NCOA6: variants seen among roughly 807,000 people sequenced by gnomAD.
NCOA6 encodes nuclear receptor coactivator 6, also known as NRC RAP250.
NCOA6 carries 49 observed loss-of-function variants against 171.4 expected under a neutral mutation model. The observed-to-expected ratio is 0.29, with a 90% CI of 0.23 to 0.36. The LOEUF is 0.36. Ranked by LOEUF, NCOA6 falls within the 10% of genes least tolerant of loss-of-function variation. The pLI, the probability that NCOA6 is intolerant of heterozygous loss-of-function variation, is 1.00. For missense variants in NCOA6, 2,248 were observed against 2,554.5 expected (o/e 0.88, Z 2.59); for synonymous variants, 910 against 927.5 (o/e 0.98, Z 0.34).
chr20:34,813,501 G>A (rs1173981663), intron 1 of NCOA6, among the ~76,000 whole-genome samples: 1 of 151,670 alleles, frequency 6.6e-6, no homozygotes, highest in Non-Finnish European at 1.5e-5. Flanking sequence ...GGAGACAACT[G>A]GAGAAACTTA....
At chr20:34,769,424 T>TTAAAGGTGCTGAGATAATGCACATGTA (rs1299290433) in intron 4 of NCOA6, among the ~76,000 whole-genome samples, 1 of 151,692 alleles carries the variant, frequency 6.6e-6, no homozygotes, top group African/African-American at 2.4e-5. Flanking sequence ...AGTGCAGTGG[T>TTAAAGGTGCTGAGATAATGCACATGTA]GTGATCTTGG....
At chr20:34,728,029 A>G (rs1370273125) in intron 13 of NCOA6, among the ~76,000 whole-genome samples, 3 of 152,098 alleles carry the variant, frequency 2.0e-5, no homozygotes, top group Admixed American at 6.6e-5. Context: ...CAGGCCCCTC[A>G]CCCATTTTCC....
intron 4 of NCOA6, among the ~76,000 whole-genome samples, chr20:34,773,385 T>C (rs1373069192): frequency 6.6e-6 from 1 of 152,252 alleles, no homozygotes; most frequent in Non-Finnish European, 1.5e-5. Flanking sequence ...GAGAACGGAC[T>C]GTTGGGAGAA....
chr20:34,799,074 G>A (rs1307448797), intron 1 of NCOA6, among the ~76,000 whole-genome samples: 1 of 152,098 alleles, frequency 6.6e-6, no homozygotes, highest in Non-Finnish European at 1.5e-5. Flanking sequence ...CTGTTTTGAG[G>A]AAACTCAATG....
chr20:34,749,053 G>A (rs1024287739), intron 9 of NCOA6, among the ~76,000 whole-genome samples: 1 of 152,064 alleles, frequency 6.6e-6, no homozygotes, highest in Non-Finnish European at 1.5e-5. Flanking sequence ...CAAATTGTAA[G>A]AAAAAAATTT....
rs186486306 is a variant in NCOA6, at chr20:34,754,858, T to C, written c.1539A>G (p.Lys513=). Residue 513 remains lysine (K), a synonymous_variant, in exon 8 of 15, where the codon AAA becomes AAG. Coordinates refer to ENST00000359003, the MANE Select transcript of NCOA6 (RefSeq NM_014071.5). ...SLHPGLGGMP[K]RLPPGFSAGQ... ...CTGCTGAGAAGCCAGGTGGGAGGCG[T>C]TTAGGCATTCCTTAATAGAAAACAA... 2.8e-5 allele frequency: 45 copies of C among 1,614,004 alleles called. No homozygotes were observed. Among genetic ancestry groups the C allele is most frequent in the Non-Finnish European group, 3.6e-5 (43 of 1,179,988 alleles).
rs1195235336 is a variant in NCOA6, at chr20:34,749,486, G to T, written c.2709C>A (p.Asn903Lys). The T allele has an allele frequency of 3.1e-6, 5 of 1,613,958 alleles. No homozygotes were observed. The highest frequency in any genetic ancestry group is 4.5e-5 in the East Asian group (2 of 44,890). The change falls in exon 9 of 15, where the codon AAC (asparagine) becomes AAA (lysine). Residue 903 changes from asparagine to lysine, a missense_variant. Physicochemically the swap from Asn to Lys is moderately conservative, Grantham distance 94 (BLOSUM62 0). This residue lies in a region of NCOA6 where 352 missense variants were observed against 419.1 expected (regional missense o/e 0.84). Transcript: ENST00000359003. ...SDISAGHFGVNNKQNNTNANK... is the reference protein window; with the variant it reads ...SDISAGHFGVKNKQNNTNANK... ...TTGCGTTGGTATTATTTTGCTTATT[G>T]TTTACCCCAAAATGGCCTGCAGATA...
chr20:34,782,438 G>A (rs2077537773), intron 2 of NCOA6, 34 bp from the exon 3 acceptor site: 5 of 593,564 alleles, frequency 8.4e-6, no homozygotes, highest in Non-Finnish European at 1.4e-5. Context: ...GCATTACAAT[G>A]CATAGTTATG....
chr20:34,748,101 C>A (rs2076358728), intron 9 of NCOA6, among the ~76,000 whole-genome samples: 1 of 151,840 alleles, frequency 6.6e-6, no homozygotes, highest in Admixed American at 6.6e-5. Context: ...CCTAAGTAAC[C>A]AATTTCCCTA....
chr20:34,773,411 T>C (rs528759024), intron 4 of NCOA6, among the ~76,000 whole-genome samples: 1 of 152,342 alleles, frequency 6.6e-6, no homozygotes, highest in South Asian at 2.1e-4. Flanking sequence ...CCCTCAAGCC[T>C]TGCAGCAGAC....
intron 1 of NCOA6, among the ~76,000 whole-genome samples, chr20:34,803,238 C>T (rs1342425451): frequency 6.6e-6 from 1 of 152,066 alleles, no homozygotes; most frequent in African/African-American, 2.4e-5. Flanking sequence ...AATGCCAAGG[C>T]GACTGCATCA....
Position 34,741,879 on chromosome 20 carries a change from T to C in NCOA6, c.4377A>G (p.Lys1459=). The change falls in exon 11 of 15, where the codon AAA becomes AAG. Residue 1459 remains lysine (K), a synonymous_variant. Transcript: ENST00000359003. The part of the protein sequence containing the change: ...VKMVVPEDQS[K]KDGQPSDPNK... ...TAGGATCCGAAGGCTGCCCATCCTT[T>C]TTGGACTGATCTTCAGGGACAACCA... 6.2e-7 allele frequency: 1 copy of C among 1,614,214 alleles called. No homozygotes were observed. The highest frequency in any genetic ancestry group is 8.5e-7 in the Non-Finnish European group (1 of 1,180,030).
At chr20:34,726,741 C>T (rs551247123) in intron 14 of NCOA6, among the ~76,000 whole-genome samples, 4 of 151,284 alleles carry the variant, frequency 2.6e-5, no homozygotes, top group Non-Finnish European at 4.4e-5. Context: ...GCTGAGATCA[C>T]GCCACTGCAC....
chr20:34,770,007 G>A (rs1256518995), intron 4 of NCOA6, among the ~76,000 whole-genome samples: 2 of 151,386 alleles, frequency 1.3e-5, no homozygotes, highest in African/African-American at 4.9e-5. Context: ...AGGTATGGCA[G>A]TTTCCTCTGT....
chr20:34,762,904 G>A (rs571958089), intron 5 of NCOA6, among the ~76,000 whole-genome samples: 18 of 152,262 alleles, frequency 1.2e-4, no homozygotes, highest in African/African-American at 4.3e-4. Flanking sequence ...ATTCTAGGCT[G>A]TCAATTATAT....
intron 1 of NCOA6, among the ~76,000 whole-genome samples, chr20:34,804,334 CATAAATAA>C (rs902450918): frequency 2.0e-5 from 3 of 151,556 alleles, no homozygotes; most frequent in African/African-American, 4.9e-5. Flanking sequence ...GAGACCTTGT[CATAAATAA>C]ATAAATAAAT....
chr20:34,785,997 C>T (rs1665157832), intron 2 of NCOA6, among the ~76,000 whole-genome samples: 1 of 151,924 alleles, frequency 6.6e-6, no homozygotes, highest in Non-Finnish European at 1.5e-5. Flanking sequence ...TTATTACTGC[C>T]TCAATTTCAG....
chr20:34,731,736 T>C (rs934845816), intron 13 of NCOA6, among the ~76,000 whole-genome samples: 3 of 152,178 alleles, frequency 2.0e-5, no homozygotes, highest in African/African-American at 7.2e-5. Flanking sequence ...ATTCCTACAC[T>C]AAAAGAGACA....
chr20:34,806,667 T>C (rs2078461721), intron 1 of NCOA6, among the ~76,000 whole-genome samples: 1 of 152,232 alleles, frequency 6.6e-6, no homozygotes, highest in Middle Eastern at 3.2e-3. Context: ...GACTGTCTTT[T>C]TATCAATGTA....
Sources: gnomAD v4.1 joint callset for allele counts (sites outside exome capture counted in the v4.1 genomes callset) on GRCh38, gnomAD v4.1.1 for gene constraint, gnomAD v4.1.1 regional missense constraint, MANE v1.5 for transcripts, NCBI Gene and HGNC (gene_info 2026-07-23, HGNC 2026-07-21) for gene names.